WDR90: variants seen among roughly 807,000 people sequenced by gnomAD.
WDR90 encodes WD repeat-containing protein 90.
WDR90 carries 238 observed loss-of-function variants against 195.2 expected under a neutral mutation model. The observed-to-expected ratio is 1.22, with a 90% CI of 1.10 to 1.36. WDR90 has a LOEUF of 1.36. Ranked by LOEUF, WDR90 falls within the 40% of genes most tolerant of loss-of-function variation. The probability of loss-of-function intolerance (pLI) is 0.00; values close to 1 mark genes in which losing one functional copy is unlikely to be tolerated. For synonymous variants in WDR90, 1,265 were observed against 1,052.4 expected (o/e 1.20, Z -3.91); for missense variants, 2,734 against 2,439.5 (o/e 1.12, Z -2.54).
In WDR90 at chr16:659,141, T is replaced by G. The variant is rs375844012; in HGVS notation, c.3052+15T>G. 27 of 1,611,220 alleles carry G rather than the reference T, an allele frequency of 1.7e-5. No homozygotes were observed. The highest frequency in any genetic ancestry group is 2.3e-5 in the Non-Finnish European group (27 of 1,179,812). On this transcript the variant is annotated intron_variant, in intron 25 of 40. Transcript: ENST00000293879. Reference sequence around the variant, plus strand: ...CTGCAAGACAGGTGAGTGGCTGTGCTCAGCTGGGGTGCAGGTGCTGCGCTG... The same window carrying G: ...CTGCAAGACAGGTGAGTGGCTGTGCGCAGCTGGGGTGCAGGTGCTGCGCTG...
rs1162234309 is a variant in WDR90, at chr16:651,223, G to A, written c.693G>A (p.Val231=). The A allele has an allele frequency of 1.2e-6, 2 of 1,613,104 alleles. No homozygotes were observed. Among genetic ancestry groups the A allele is most frequent in the East Asian group, 4.5e-5 (2 of 44,884 alleles). ...GGTTTCCAAGTGAGAGCTTGAAAGT[G>A]CCTTCCAAGCCGATTGAGAAGAGCT... The part of the protein sequence containing the change: ...HVRFPSESLK[V]PSKPIEKSCS... The change falls in exon 7 of 41, where the codon GTG becomes GTA. Residue 231 remains valine (V), a synonymous_variant. Transcript: ENST00000293879.
Position 662,327 on chromosome 16 carries a change from G to T in WDR90, c.4141G>T (p.Ala1381Ser), listed in dbSNP as rs756807276. The change falls in exon 33 of 41, where the codon GCC (alanine) becomes TCC (serine). Residue 1381 changes from alanine (A) to serine (S), a missense_variant. By Grantham distance (99) the Ala-to-Ser change is moderately conservative. Coordinates refer to ENST00000293879, the MANE Select transcript of WDR90 (RefSeq NM_145294.5). ...GGAGCTGAGGTGCAAGGGCTCAGGC[G>T]CCAGGTGAGCTGTTCACCCCTACGT... ...VSELRCKGSG[A>S]SSVFMEHELV... 4 of 1,559,918 alleles carry T rather than the reference G, an allele frequency of 2.6e-6. No individual in the cohort carries two copies. The highest frequency in any genetic ancestry group is 3.5e-6 in the Non-Finnish European group (4 of 1,153,818).
chr16:666,780 C>T lies in WDR90; in HGVS notation c.4992C>T (p.Leu1664=), dbSNP rs765597743. Residue 1664 remains leucine, a synonymous_variant, in exon 39 of 41, where the codon CTC becomes CTT. Transcript: ENST00000293879. The part of the protein sequence containing the change: ...GVYKEVIIYN[L]CQKQVVEKIP... Reference sequence around the variant, plus strand: ...ACAAGGAGGTGATCATCTACAACCTCTGCCAGAAGCAGGTACACGCAGCTG... The same window carrying T: ...ACAAGGAGGTGATCATCTACAACCTTTGCCAGAAGCAGGTACACGCAGCTG... The T allele has an allele frequency of 1.9e-6, 3 of 1,612,850 alleles. No homozygotes were observed. Among genetic ancestry groups the T allele is most frequent in the South Asian group, 2.2e-5 (2 of 91,072 alleles).
chr16:667,086 G>T, intron 40 of WDR90, 97 bp downstream of exon 40: 1 of 1,287,510 alleles, frequency 7.8e-7, no homozygotes, highest in Non-Finnish European at 1.1e-6. Flanking sequence ...CCTGTGCCCC[G>T]GGCTCCTCGT....
rs757851904 is a variant in WDR90 at position 651,285 on chromosome 16, C to T, written c.736+19C>T. The stretch of plus-strand genomic sequence containing the variant: ...GAGGCAGGTGGGTCTGGGGGGTCAG[C>T]GGGGACCCAGGTTAAGGCCTGTAGG... On this transcript the variant is annotated intron_variant, in intron 7 of 40. Transcript: ENST00000293879. 9 of 1,612,130 alleles carry T rather than the reference C, an allele frequency of 5.6e-6. No individual in the cohort carries two copies. In the East Asian group the frequency reaches 8.9e-5, roughly 16 times the overall value.
At chr16:666,861 G>T in intron 39 of WDR90, 44 bp from the exon 40 acceptor site, 1 of 1,612,948 alleles carries the variant, frequency 6.2e-7, no homozygotes. Flanking sequence ...GCCTGGCTGA[G>T]CCCTGAGCCC....
chr16:658,723 A>G (rs1596464842), intron 23 of WDR90, 70 bp downstream of exon 23: 1 of 1,578,818 alleles, frequency 6.3e-7, no homozygotes, highest in East Asian at 2.3e-5. Flanking sequence ...AGACCCCTGC[A>G]GGTGTGGGTG....
intron 19 of WDR90, 41 bp downstream of exon 19, chr16:656,912 G>A (rs773572985): frequency 3.3e-5 from 53 of 1,596,810 alleles, no homozygotes; most frequent in Non-Finnish European, 4.4e-5. Context: ...GAGACCCCAC[G>A]GTGGAAGCTG....
Position 655,049 on chromosome 16 carries a change from C to T in WDR90, c.1458C>T (p.Thr486=), listed in dbSNP as rs190332617. 206 of 1,612,628 alleles carry T rather than the reference C, an allele frequency of 1.3e-4. No homozygotes were observed. The East Asian group carries it at 4.0e-3, about 32-fold the overall frequency. Residue 486 remains threonine (T), a synonymous_variant, in exon 14 of 41, where the codon ACC becomes ACT. Transcript: ENST00000293879. ...HGRTMVVAWG[T]GQVGLGGEVV... The stretch of plus-strand genomic sequence containing the variant: ...TGCAGATGGTGGTGGCCTGGGGCAC[C>T]GGCCAGGTGGGCCTCGGTGGCGAGG...
chr16:652,651 A>G, intron 10 of WDR90, 116 bp downstream of exon 10: 1 of 1,154,144 alleles, frequency 8.7e-7, no homozygotes, highest in Non-Finnish European at 1.1e-6. Context: ...TGGGCTCCCG[A>G]GCCCCCCTGG....
intron 1 of WDR90, 103 bp downstream of exon 1, chr16:649,529 CCA>C: frequency 8.0e-7 from 1 of 1,256,264 alleles, no homozygotes; most frequent in South Asian, 2.7e-5. Context: ...GGCCCTGAGG[CCA>C]GAGTCCCCGC....
In WDR90 at chr16:652,482, C is replaced by A. The variant is rs773706748; in HGVS notation, c.1069C>A (p.Pro357Thr). The A allele has an allele frequency of 1.2e-6, 2 of 1,609,610 alleles. No individual in the cohort carries two copies. The highest frequency in any genetic ancestry group is 1.7e-6 in the Non-Finnish European group (2 of 1,177,772). Residue 357 changes from proline (P) to threonine (T), a missense_variant, in exon 10 of 41, where the codon CCA (proline) becomes ACA (threonine). Pro to Thr is a conservative substitution (Grantham distance 38, BLOSUM62 -1). Transcript: ENST00000293879. Reference protein sequence around the residue: ...TGSCEGFLPDPVLRLKGVIGF... With the variant: ...TGSCEGFLPDTVLRLKGVIGF... ...GCTGTTTCAGGGCTTCCTCCCAGAC[C>A]CAGTCCTGAGGCTCAAGGGCGTCAT...
intron 40 of WDR90, 120 bp from the exon 41 acceptor site, chr16:667,312 T>C: frequency 7.3e-7 from 1 of 1,369,734 alleles, no homozygotes; most frequent in South Asian, 1.4e-5. Context: ...CCAGGAGCCC[T>C]TTTAGCACCA....
At chr16:649,301 C>CGGCGGAAGTAAT (rs1167742376), upstream of WDR90, 2 of 1,232,998 alleles carry the variant, frequency 1.6e-6, no homozygotes, top group South Asian at 2.2e-5. Flanking sequence ...GCCGCCATGA[C>CGGCGGAAGTAAT]GGCGGAAGTA....
In WDR90 at chr16:660,102, C is replaced by T. The variant is rs763116222; in HGVS notation, c.3229C>T (p.Leu1077=). The T allele has an allele frequency of 7.1e-6, 11 of 1,548,638 alleles. No homozygotes were observed. The highest frequency in any genetic ancestry group is 3.9e-5 in the Admixed American group (2 of 50,940). ...TTCGGGGGCCCCACGCACCACCTAC[C>T]TGGCTTCCTGCAAGGCCTTCACGCC... ...RNSGAPRTTY[L]ASCKAFTPAR... Residue 1077 remains leucine (L), a synonymous_variant, in exon 27 of 41, where the codon CTG becomes TTG. Coordinates refer to ENST00000293879, the MANE Select transcript of WDR90 (RefSeq NM_145294.5).
rs376003748 is a variant in WDR90, at chr16:658,829, G to A, written c.2896-67G>A. 581 of 1,591,414 alleles carry A rather than the reference G, an allele frequency of 3.7e-4. 3 individuals carry two copies. In the African/African-American group the frequency reaches 7.1e-3, roughly 19 times the overall value. On this transcript the variant is annotated intron_variant, in intron 23 of 40. Transcript: ENST00000293879. ...CACTGTGTGGGGCTCACCGTCCCTG[G>A]GGACTGGGCACACGGCAGCATCCAT...
chr16:655,644 G>C lies in WDR90; in HGVS notation c.1790G>C (p.Arg597Pro). 6.2e-7 allele frequency: 1 copy of C among 1,606,744 alleles called. No individual in the cohort carries two copies. The highest frequency in any genetic ancestry group is 8.5e-7 in the Non-Finnish European group (1 of 1,176,840). ...CGCATGGTCGTGCGGCATGCCCGCC[G>C]CCTGCTCCCCACACGGACTCCAGGC... is the stretch of plus-strand genomic sequence containing the variant. The part of the protein sequence containing the change: ...CQRMVVRHAR[R>P]LLPTRTPGGP... The change falls in exon 16 of 41, where the codon CGC (arginine) becomes CCC (proline). Residue 597 changes from arginine (R) to proline (P), a missense_variant. By Grantham distance (103) the Arg-to-Pro change is moderately radical. Transcript: ENST00000293879.
chr16:653,428 T>G lies in WDR90; in HGVS notation c.1210T>G (p.Phe404Val). 1 of 1,611,956 alleles carries G rather than the reference T, an allele frequency of 6.2e-7. No homozygotes were observed. The change falls in exon 11 of 41, where the codon TTC (phenylalanine) becomes GTC (valine). Residue 404 changes from phenylalanine to valine, a missense_variant. Transcript: ENST00000293879. ...VLLVDTGEQR[F>V]FLGHTDKVSA... is the part of the protein sequence containing the mutation. ...GCTCGTGGACACGGGGGAGCAGCGC[T>G]TCTTCCTTGGCCACACAGACAAGGT...
In WDR90 at chr16:667,468, C is replaced by T. The variant is rs1292822720; in HGVS notation, c.5126C>T (p.Thr1709Ile). 11 of 1,607,910 alleles carry T rather than the reference C, an allele frequency of 6.8e-6. No individual in the cohort carries two copies. The highest frequency in any genetic ancestry group is 9.4e-6 in the Non-Finnish European group (11 of 1,176,058). Residue 1709 changes from threonine (T) to isoleucine (I), a missense_variant, in exon 41 of 41, where the codon ACT becomes ATT. Physicochemically the swap from Thr to Ile is moderately conservative, Grantham distance 89 (BLOSUM62 -1). Transcript: ENST00000293879. ...MLRLVDCAMG[T>I]AQDFAGHDNA... is the part of the protein sequence containing the mutation. Reference sequence around the variant, plus strand: ...AGGCTGGTAGACTGTGCCATGGGGACTGCCCAAGACTTTGCCGGCCACGAC... The same window carrying T: ...AGGCTGGTAGACTGTGCCATGGGGATTGCCCAAGACTTTGCCGGCCACGAC...
Sources: gnomAD v4.1 joint callset for allele counts on GRCh38, gnomAD v4.1.1 for gene constraint, MANE v1.5 for transcripts, NCBI Gene and HGNC (gene_info 2026-07-23, HGNC 2026-07-21) for gene names.